The following MUC4 variants were observed in gnomAD, a reference collection of about 807,000 sequenced individuals.
MUC4 encodes mucin-4.
MUC4 carries 202 observed loss-of-function variants against 257.9 expected under a neutral mutation model. The ratio of observed to expected loss-of-function variants is 0.78; its 90% CI spans 0.70 to 0.88. The LOEUF (loss-of-function observed/expected upper bound fraction) is 0.88. Among genes scored for constraint, MUC4 ranks in the 40% least tolerant of loss-of-function variants. The pLI is 0.00. For missense variants in MUC4, 5,976 were observed against 6,513.7 expected (o/e 0.92, Z 2.84); for synonymous variants, 2,351 against 2,757.1 (o/e 0.85, Z 4.62).
Position 195,761,013 on chromosome 3 carries a change from C to CATGA in MUC4, c.14718_14719insTCAT (p.Glu4907SerfsTer2). 3.1e-6 allele frequency: 5 copies of CATGA among 1,614,196 alleles called. No individual in the cohort carries two copies. The highest frequency in any genetic ancestry group is 4.2e-6 in the Non-Finnish European group (5 of 1,180,032). Reference sequence around the variant, plus strand: ...CCGTCACAGTTGGAGATCAAATGTTCAGCCCAGGAGCTGTTTTTTTGCAGT... The same window carrying CATGA: ...CCGTCACAGTTGGAGATCAAATGTTCATGAAGCCCAGGAGCTGTTTTTTTGCAGT... On this transcript the variant is annotated frameshift_variant, in exon 16 of 25. Coordinates refer to ENST00000463781, the MANE Select transcript of MUC4 (RefSeq NM_018406.7). LOFTEE classifies it high-confidence loss of function.
intron 7 of MUC4, among the ~76,000 whole-genome samples, chr3:195,767,865 A>ACACCACCACCATCAC (rs1553861228): frequency 1.9e-5 from 1 of 52,170 alleles, no homozygotes; most frequent in Non-Finnish European, 4.1e-5. Flanking sequence ...ATCACCCCCA[A>ACACCACCACCATCAC]CACCACCACC....
At chr3:195,771,050 T>C (rs11916512) in intron 5 of MUC4, among the ~76,000 whole-genome samples, 5,634 of 42,078 alleles carry the variant, frequency 0.13, 124 homozygotes, top group African/African-American at 0.18. Flanking sequence ...GTCTCGTGGT[T>C]GGGTTGGGGT....
At chr3:195,811,677 C>G in intron 1 of MUC4, 59 bp downstream of exon 1, 1 of 1,523,954 alleles carries the variant, frequency 6.6e-7, no homozygotes. Context: ...TCTCTGACAG[C>G]TCCCACCTCC....
Position 195,759,225 on chromosome 3 carries a change from A to G in MUC4, c.14885T>C (p.Ile4962Thr), listed in dbSNP as rs1718280526. 6.2e-7 allele frequency: 1 copy of G among 1,614,060 alleles called. No individual in the cohort carries two copies. Among genetic ancestry groups the G allele is most frequent in the Non-Finnish European group, 8.5e-7 (1 of 1,179,990 alleles). The change falls in exon 17 of 25, where the codon ATT becomes ACT. Residue 4962 changes from isoleucine (I) to threonine (T), a missense_variant. By Grantham distance (89) the Ile-to-Thr change is moderately conservative. Coordinates refer to ENST00000463781, the MANE Select transcript of MUC4 (RefSeq NM_018406.7). ...CGTGGTCTGCCCCTTGTAGGCTTCA[A>G]TCACACGACCACCATTGATGGAGGG... is the stretch of plus-strand genomic sequence containing the variant. ...YPPSINGGRVIEAYKGQTTLI... is the reference protein window; with the variant it reads ...YPPSINGGRVTEAYKGQTTLI...
Position 195,770,276 on chromosome 3 carries a change from C to T in MUC4, c.13338G>A (p.Arg4446=), listed in dbSNP as rs770564448. The change falls in exon 6 of 25, where the codon AGG becomes AGA. Residue 4446 remains arginine, a synonymous_variant. Coordinates refer to ENST00000463781, the MANE Select transcript of MUC4 (RefSeq NM_018406.7). ...KMTNNGGYKA[R]WALKVTWVNA... is the part of the protein sequence containing the mutation. Reference sequence around the variant, plus strand: ...TGACCCACGTGACCTTTAGGGCCCACCTGGCCTTGTAGCCCCCGTTGTTTG... The same window carrying T: ...TGACCCACGTGACCTTTAGGGCCCATCTGGCCTTGTAGCCCCCGTTGTTTG... 4 of 1,614,046 alleles carry T rather than the reference C, an allele frequency of 2.5e-6. No individual in the cohort carries two copies. The highest frequency in any genetic ancestry group is 3.4e-6 in the Non-Finnish European group (4 of 1,179,984).
At position 195,763,436 on chromosome 3, in the gene MUC4, G is replaced by C; in HGVS notation, c.14250C>G (p.Val4750=). The part of the protein sequence containing the change: ...AQYRSSSLGP[V]TVQWLLEPHD... ...GTTCCCGGCACCCCTCACTCACCGTGACGGGGCCCAGGCTGCTGGAGCGGT... is the reference window on the plus strand; with the variant it reads ...GTTCCCGGCACCCCTCACTCACCGTCACGGGGCCCAGGCTGCTGGAGCGGT... Residue 4750 remains valine (V), a synonymous_variant, in exon 12 of 25, where the codon GTC becomes GTG. Coordinates refer to ENST00000463781, the MANE Select transcript of MUC4 (RefSeq NM_018406.7). 1 of 1,413,592 alleles carries C rather than the reference G, an allele frequency of 7.1e-7. No individual in the cohort carries two copies. Among genetic ancestry groups the C allele is most frequent in the Non-Finnish European group, 9.3e-7 (1 of 1,079,458 alleles). The allele number at this position is 1,413,592 out of a possible 1,614,324, so 87.6% of individuals were successfully genotyped here.
At chr3:195,807,428 A>G (rs571609804) in intron 1 of MUC4, among the ~76,000 whole-genome samples, 2 of 152,294 alleles carry the variant, frequency 1.3e-5, no homozygotes, top group South Asian at 2.1e-4. Flanking sequence ...AGACCACGCC[A>G]CTGCACTGCA....
chr3:195,770,930 GT>G (rs1215968705), intron 5 of MUC4: 3 of 453,912 alleles, frequency 6.6e-6, no homozygotes, highest in Middle Eastern at 3.2e-4. Flanking sequence ...CCCATCCCCC[GT>G]CACCTGTAGG....
intron 16 of MUC4, among the ~76,000 whole-genome samples, chr3:195,760,355 G>A (rs1470738261): frequency 6.6e-6 from 1 of 152,206 alleles, no homozygotes; most frequent in African/African-American, 2.4e-5. Flanking sequence ...TCCAGGGAAG[G>A]AAGGGTATTC....
At chr3:195,747,935 G>T (rs1158269790) in intron 24 of MUC4, among the ~76,000 whole-genome samples, 15 of 152,266 alleles carry the variant, frequency 9.9e-5, no homozygotes, top group African/African-American at 3.6e-4. Flanking sequence ...CAGGGATGCC[G>T]GCCACAGGTG....
In MUC4 at chr3:195,789,451, G is replaced by A. The variant is rs1312671971; in HGVS notation, c.2129C>T (p.Thr710Ile). The change falls in exon 2 of 25, where the codon ACC becomes ATC. Residue 710 changes from threonine (T) to isoleucine (I), a missense_variant. This residue lies in a region of MUC4 where 1,583 missense variants were observed against 1,257.4 expected (regional missense o/e 1.26). Coordinates refer to ENST00000463781, the MANE Select transcript of MUC4 (RefSeq NM_018406.7). ...TGDGHTTQAPTTALQAAPSSH... is the reference protein window; with the variant it reads ...TGDGHTTQAPITALQAAPSSH... ...GCTGGGTGCTGCCTGCAGTGCTGTG[G>A]TCGGGGCCTGGGTTGTGTGACCATC... 2 of 1,613,988 alleles carry A rather than the reference G, an allele frequency of 1.2e-6. No individual in the cohort carries two copies. The highest frequency in any genetic ancestry group is 1.7e-6 in the Non-Finnish European group (2 of 1,179,884).
intron 19 of MUC4, 158 bp downstream of exon 19, chr3:195,754,055 A>G: frequency 9.7e-7 from 1 of 1,032,894 alleles, no homozygotes; most frequent in Non-Finnish European, 1.4e-6. Flanking sequence ...TGCCTAGATG[A>G]TTTCCCACAC....
chr3:195,790,425 A>G lies in MUC4; in HGVS notation c.1155T>C (p.Asn385=). The part of the protein sequence containing the change: ...TTTSSPSSVS[N]TFLVTSKVFR... ...ACACCTTTGATGTTACCAGGAATGT[A>G]TTGCTGACACTGGAAGGGGATGAGG... The change falls in exon 2 of 25, where the codon AAT becomes AAC. Residue 385 remains asparagine, a synonymous_variant. Transcript: ENST00000463781. 6.2e-7 allele frequency: 1 copy of G among 1,613,666 alleles called. No individual in the cohort carries two copies. The highest frequency in any genetic ancestry group is 8.5e-7 in the Non-Finnish European group (1 of 1,179,606).
At chr3:195,804,245 T>C (rs1411328188) in intron 1 of MUC4, among the ~76,000 whole-genome samples, 1 of 152,204 alleles carries the variant, frequency 6.6e-6, no homozygotes, top group Non-Finnish European at 1.5e-5. Flanking sequence ...TTTCTCTCCT[T>C]GAACCACGTC....
At chr3:195,763,769 G>C in intron 11 of MUC4, 128 bp from the exon 12 acceptor site, 2 of 1,074,204 alleles carry the variant, frequency 1.9e-6, no homozygotes, top group Non-Finnish European at 2.6e-6. Context: ...CAGTCGACTG[G>C]GGCACTTGTC....
Position 195,782,639 on chromosome 3 carries a change from C to G in MUC4, c.8941G>C (p.Asp2981His), listed in dbSNP as rs1249804852. The change falls in exon 2 of 25, where the codon GAC becomes CAC. Residue 2981 changes from aspartate to histidine, a missense_variant. This residue lies in a region of MUC4 where 68 missense variants were observed against 50.2 expected (regional missense o/e 1.35). Coordinates refer to ENST00000463781, the MANE Select transcript of MUC4 (RefSeq NM_018406.7). Reference protein sequence around the residue: ...TGHATPLPDTDTSSASTGHAT... With the variant: ...TGHATPLPDTHTSSASTGHAT... ...TGACCTGTGGATGCTGAGGAAGTGT[C>G]GGTGTCAGGAAGAGGGGTGGCGTGA... 2.4e-6 allele frequency: 2 copies of G among 832,276 alleles called. No individual in the cohort carries two copies. Among genetic ancestry groups the G allele is most frequent in the Non-Finnish European group, 3.3e-6 (2 of 597,040 alleles). The allele number at this position is 832,276 out of a possible 1,614,324, so 51.6% of individuals were successfully genotyped here.
Position 195,789,257 on chromosome 3 carries a change from G to C in MUC4, c.2323C>G (p.Gln775Glu). Reference protein sequence around the residue: ...DTAAAMTHTHQAESTEASGQT... With the variant: ...DTAAAMTHTHEAESTEASGQT... ...CCAGAGGCCTCTGTGCTCTCAGCCTGGTGGGTATGGGTCATGGCTGCTGCT... is the reference window on the plus strand; with the variant it reads ...CCAGAGGCCTCTGTGCTCTCAGCCTCGTGGGTATGGGTCATGGCTGCTGCT... The change falls in exon 2 of 25, where the codon CAG becomes GAG. Residue 775 changes from glutamine (Q) to glutamate (E), a missense_variant. Physicochemically the swap from Gln to Glu is conservative, Grantham distance 29 (BLOSUM62 2). Around this residue, in one of 44 missense-constraint regions of MUC4, gnomAD observed 1,583 missense variants for 1,257.4 expected, o/e 1.26. Coordinates refer to ENST00000463781, the MANE Select transcript of MUC4 (RefSeq NM_018406.7). 3 of 1,613,916 alleles carry C rather than the reference G, an allele frequency of 1.9e-6. No homozygotes were observed. Among genetic ancestry groups the C allele is most frequent in the East Asian group, 2.2e-5 (1 of 44,878 alleles).
At chr3:195,802,629 A>G (rs1010571885) in intron 1 of MUC4, among the ~76,000 whole-genome samples, 3 of 152,116 alleles carry the variant, frequency 2.0e-5, no homozygotes, top group Admixed American at 2.0e-4. Flanking sequence ...TGGCATTGCC[A>G]TTGTGACACG....
At position 195,796,648 on chromosome 3, in the gene MUC4, G is replaced by A. The variant is rs893553977; in HGVS notation, c.83-5151C>T. 3.6e-4 allele frequency among the ~76,000 whole-genome samples: 54 copies of A among 151,982 alleles called. 2 individuals carry two copies. The highest frequency in any genetic ancestry group is 2.6e-4 in the Admixed American group (4 of 15,272). ...AGAGGTTGCAGTGAGCGGAGATCATGCCATTGCACTCCAGCCTGGGTGACA... is the reference window on the plus strand; with the variant it reads ...AGAGGTTGCAGTGAGCGGAGATCATACCATTGCACTCCAGCCTGGGTGACA... On this transcript the variant is annotated intron_variant, in intron 1 of 24. Transcript: ENST00000463781.
Sources: allele counts gnomAD v4.1 joint callset (sites outside exome capture counted in the v4.1 genomes callset), GRCh38; gene constraint gnomAD v4.1.1; regional missense constraint gnomAD v4.1.1; transcripts MANE v1.5; gene names NCBI Gene and HGNC (gene_info 2026-07-23, HGNC 2026-07-21).